The following B3GLCT variants were observed in gnomAD, a reference collection of about 807,000 sequenced individuals.
B3GLCT encodes beta 3-glucosyltransferase.
Under a neutral mutation model 63.4 loss-of-function variants are expected in B3GLCT, and 65 were observed. The observed-to-expected ratio is 1.03, with a 90% confidence interval of 0.84 to 1.26. The LOEUF is 1.26. Ranked by LOEUF, B3GLCT falls within the 50% of genes most tolerant of loss-of-function variation. The pLI, the probability that B3GLCT is intolerant of heterozygous loss-of-function variation, is 0.00. For synonymous variants in B3GLCT, 233 were observed against 219.2 expected, an observed-to-expected ratio of 1.06 and a Z score of -0.55; for missense variants, 577 against 604.8, an observed-to-expected ratio of 0.95 and a Z score of 0.48.
intron 3 of B3GLCT, among the ~76,000 whole-genome samples, chr13:31,228,072 G>T (rs1870190489): frequency 6.6e-6 from 1 of 152,210 alleles, no homozygotes; most frequent in Non-Finnish European, 1.5e-5. Context: ...ACATACTCGG[G>T]TTTCCTTCCT....
intron 9 of B3GLCT, 71 bp downstream of exon 9, chr13:31,274,699 A>G (rs1872705083): frequency 6.4e-7 from 1 of 1,570,970 alleles, no homozygotes; most frequent in Admixed American, 1.7e-5. Flanking sequence ...ATGTCATCCT[A>G]GCACTTTAAA....
chr13:31,329,849 A>G lies in B3GLCT; in HGVS notation c.*181A>G. On this transcript the variant is annotated 3_prime_UTR_variant, in exon 15 of 15. Coordinates refer to ENST00000343307, the MANE Select transcript of B3GLCT (RefSeq NM_194318.4). ...AGGAAGAAAAGGGGTCACAGGAGAAACATTTTTTTTTCTGGGAAAAATCAC... is the reference window on the plus strand; with the variant it reads ...AGGAAGAAAAGGGGTCACAGGAGAAGCATTTTTTTTTCTGGGAAAAATCAC... 4 of 670,666 alleles carry G rather than the reference A, an allele frequency of 6.0e-6. No individual in the cohort carries two copies. The highest frequency in any genetic ancestry group is 1.0e-5 in the Non-Finnish European group (4 of 396,338). 41.5% of individuals were successfully genotyped at this position (670,666 alleles called of 1,614,324 possible).
chr13:31,265,022 G>C (rs1441914987), intron 7 of B3GLCT, among the ~76,000 whole-genome samples: 1 of 152,132 alleles, frequency 6.6e-6, no homozygotes, highest in Admixed American at 6.6e-5. Context: ...TCCTCTTGTG[G>C]TTTCAAGACA....
intron 12 of B3GLCT, among the ~76,000 whole-genome samples, chr13:31,315,666 T>G (rs1017538333): frequency 2.0e-5 from 3 of 152,216 alleles, no homozygotes; most frequent in African/African-American, 7.2e-5. Context: ...GGGGAGAAAT[T>G]CAAGCCAGCT....
At chr13:31,216,223 T>A (rs1566044020) in intron 2 of B3GLCT, among the ~76,000 whole-genome samples, 1 of 152,234 alleles carries the variant, frequency 6.6e-6, no homozygotes, top group Non-Finnish European at 1.5e-5. Flanking sequence ...TAATACTAAT[T>A]TCTTACGATT....
rs1875835604 is a variant in B3GLCT at position 31,330,014 on chromosome 13, A to C, written c.*346A>C. On this transcript the variant is annotated 3_prime_UTR_variant, in exon 15 of 15. Transcript: ENST00000343307. ...CTTTCCTGTTCTGTCTCTTCATTGT[A>C]ATGGAAGTTTCAGTTGGGCATGAGC... 7 of 312,130 alleles carry C rather than the reference A, an allele frequency of 2.2e-5. No individual in the cohort carries two copies. The highest frequency in any genetic ancestry group is 2.2e-4 in the South Asian group (7 of 31,396). 19.3% of individuals were successfully genotyped at this position (312,130 alleles called of 1,614,324 possible). A position where few individuals can be genotyped will look rare whatever the true frequency, so the allele number is the denominator to read the frequency against.
Position 31,247,978 on chromosome 13 carries a change from T to A in B3GLCT, c.459+12T>A, listed in dbSNP as rs1332723937. The A allele has an allele frequency of 7.3e-7, 1 of 1,364,138 alleles. No individual in the cohort carries two copies. Among genetic ancestry groups the A allele is most frequent in the African/African-American group, 1.4e-5 (1 of 69,882 alleles). The allele number at this position is 1,364,138 out of a possible 1,614,324, so 84.5% of individuals were successfully genotyped here. On this transcript the variant is annotated intron_variant, in intron 6 of 14. Transcript: ENST00000343307. ...ATGACCCCTCTAAGGTGAATATAAC[T>A]TCAATACCAGTTCTTATTTTGGGGG...
At chr13:31,268,897 G>A (rs1345256718) in intron 7 of B3GLCT, among the ~76,000 whole-genome samples, 3 of 151,914 alleles carry the variant, frequency 2.0e-5, no homozygotes, top group African/African-American at 7.3e-5. Flanking sequence ...TTCTTTCTCT[G>A]TCATTATTTA....
At chr13:31,286,015 A>G (rs549631867) in intron 11 of B3GLCT, among the ~76,000 whole-genome samples, 10 of 152,354 alleles carry the variant, frequency 6.6e-5, no homozygotes, top group Non-Finnish European at 1.2e-4. Context: ...ATAGTCATTA[A>G]TATAAGTTAA....
chr13:31,228,401 A>C (rs1015561173), intron 3 of B3GLCT, among the ~76,000 whole-genome samples: 1 of 152,346 alleles, frequency 6.6e-6, no homozygotes, highest in South Asian at 2.1e-4. Flanking sequence ...AGGACTACAT[A>C]ACAAAGTACC....
Position 31,299,893 on chromosome 13 carries a change from T to C in B3GLCT, c.1064+13074T>C, listed in dbSNP as rs553166515. Among the ~76,000 whole-genome samples the C allele has an allele frequency of 2.8e-3, 421 of 152,308 alleles. 4 individuals carry two copies. The highest frequency in any genetic ancestry group is 9.4e-3 in the African/African-American group (390 of 41,564). On this transcript the variant is annotated intron_variant, in intron 12 of 14. Transcript: ENST00000343307. ...AATAGGCCAAGTATCCATTGCCCTC[T>C]TGCCTAACTGTATGGGCAGGCAATT...
At chr13:31,320,593 A>G (rs988683147) in intron 13 of B3GLCT, among the ~76,000 whole-genome samples, 1 of 152,200 alleles carries the variant, frequency 6.6e-6, no homozygotes, top group Non-Finnish European at 1.5e-5. Context: ...CCATGGCATG[A>G]AAGTCTTTTG....
intron 12 of B3GLCT, among the ~76,000 whole-genome samples, chr13:31,301,576 A>T (rs972012474): frequency 6.6e-5 from 10 of 152,128 alleles, no homozygotes; most frequent in African/African-American, 2.4e-4. Flanking sequence ...AGTCCCAGGA[A>T]TTTCCCCTTT....
intron 4 of B3GLCT, among the ~76,000 whole-genome samples, chr13:31,231,972 G>C (rs989072715): frequency 6.6e-6 from 1 of 152,198 alleles, no homozygotes; most frequent in Non-Finnish European, 1.5e-5. Context: ...TTTAGGAATG[G>C]AGAATGTGTT....
At chr13:31,202,347 T>C (rs1453299823) in intron 1 of B3GLCT, among the ~76,000 whole-genome samples, 7 of 152,238 alleles carry the variant, frequency 4.6e-5, no homozygotes, top group African/African-American at 1.7e-4. Flanking sequence ...GAGTCAGGCC[T>C]CCAGGTTACC....
intron 1 of B3GLCT, among the ~76,000 whole-genome samples, chr13:31,210,977 A>G (rs1869227055): frequency 6.6e-6 from 1 of 151,988 alleles, no homozygotes. Flanking sequence ...TTTTGACCTC[A>G]AGCGATCCTC....
chr13:31,206,268 T>C lies in B3GLCT; in HGVS notation c.70+6114T>C, dbSNP rs868375627. 5.9e-5 allele frequency among the ~76,000 whole-genome samples: 9 copies of C among 152,276 alleles called. No homozygotes were observed. In the Middle Eastern group the frequency reaches 0.01, roughly 173 times the overall value. Reference sequence around the variant, plus strand: ...CTGTGTGTCCTAAAGAAGCCTGTATTTGTTAAAATGCAGATTCCTGCGTTC... The same window carrying C: ...CTGTGTGTCCTAAAGAAGCCTGTATCTGTTAAAATGCAGATTCCTGCGTTC... On this transcript the variant is annotated intron_variant, in intron 1 of 14. Transcript: ENST00000343307.
At chr13:31,321,087 T>G (rs1690024055) in intron 13 of B3GLCT, among the ~76,000 whole-genome samples, 1 of 152,278 alleles carries the variant, frequency 6.6e-6, no homozygotes, top group African/African-American at 2.4e-5. Flanking sequence ...TTTCTCGTTA[T>G]TTCCTCGCTT....
chr13:31,246,951 C>CTTTTCTTTTTTTTTTTTTTTTTTTT, intron 4 of B3GLCT, 72 bp from the exon 5 acceptor site: 1 of 778,770 alleles, frequency 1.3e-6, no homozygotes, highest in African/African-American at 2.0e-5. Context: ...CTTTTCTTTT[C>CTTTTCTTTTTTTTTTTTTTTTTTTT]TTTTTTTTTT....
Sources: allele counts gnomAD v4.1 joint callset (sites outside exome capture counted in the v4.1 genomes callset), GRCh38; gene constraint gnomAD v4.1.1; transcripts MANE v1.5; gene names NCBI Gene and HGNC (gene_info 2026-07-23, HGNC 2026-07-21).